CNTN6: variants seen among roughly 807,000 people sequenced by gnomAD.
CNTN6 encodes the protein contactin-6.
Under a neutral mutation model 122.8 loss-of-function variants are expected in CNTN6, and 137 were observed. The observed-to-expected ratio is 1.12, with a 90% CI of 0.97 to 1.29. The LOEUF is 1.29. Ranked by LOEUF, CNTN6 falls within the 50% of genes most tolerant of loss-of-function variation. The pLI is 0.00. For missense variants in CNTN6, 1,634 were observed against 1,223.4 expected, an observed-to-expected ratio of 1.34 and a Z score of -5.01; for synonymous variants, 570 against 426.0, an observed-to-expected ratio of 1.34 and a Z score of -4.16.
intron 4 of CNTN6, among the ~76,000 whole-genome samples, chr3:1,252,767 C>G (rs1461492077): frequency 3.9e-5 from 6 of 152,092 alleles, no homozygotes; most frequent in African/African-American, 1.4e-4. Flanking sequence ...CAGGCTTATT[C>G]TCGAAGCAAA....
intron 1 of CNTN6, among the ~76,000 whole-genome samples, chr3:1,122,375 G>GC (rs2091985167): frequency 6.7e-6 from 1 of 148,658 alleles, no homozygotes; most frequent in Non-Finnish European, 1.5e-5. Context: ...AGGAAGGAAG[G>GC]AAGGGAGGAA....
intron 4 of CNTN6, among the ~76,000 whole-genome samples, chr3:1,243,116 C>G (rs918918137): frequency 1.3e-5 from 2 of 152,128 alleles, no homozygotes; most frequent in African/African-American, 4.8e-5. Flanking sequence ...AGTCAGAGAG[C>G]CTTGGGCCAG....
intron 2 of CNTN6, among the ~76,000 whole-genome samples, chr3:1,176,915 A>G (rs539457214): frequency 6.6e-6 from 1 of 152,174 alleles, no homozygotes; most frequent in South Asian, 2.1e-4. Context: ...AGGCCTCCTC[A>G]ATGCTAAGAG....
intron 11 of CNTN6, among the ~76,000 whole-genome samples, chr3:1,336,614 T>C (rs1192758653): frequency 1.3e-5 from 2 of 152,156 alleles, no homozygotes; most frequent in African/African-American, 2.4e-5. Context: ...ATGGATTCTG[T>C]GTGATTTATC....
intron 20 of CNTN6, among the ~76,000 whole-genome samples, chr3:1,390,688 A>C (rs1417256634): frequency 2.6e-5 from 4 of 152,112 alleles, no homozygotes; most frequent in African/African-American, 9.7e-5. Context: ...AAAAGAGAAG[A>C]ATCAAATAGA....
chr3:1,144,035 T>C (rs971116620), intron 1 of CNTN6, among the ~76,000 whole-genome samples: 1 of 152,342 alleles, frequency 6.6e-6, no homozygotes, highest in South Asian at 2.1e-4. Context: ...GTAGCCTTTT[T>C]CTCTGTACCA....
At chr3:1,262,194 A>G (rs3772330) in intron 4 of CNTN6, among the ~76,000 whole-genome samples, 20,007 of 152,170 alleles carry the variant, frequency 0.13, 1,544 homozygotes, top group African/African-American at 0.21. Context: ...CCGAAGTAAG[A>G]GTCACAAGAG....
intron 20 of CNTN6, among the ~76,000 whole-genome samples, chr3:1,386,097 TC>T (rs1341998580): frequency 1.3e-5 from 2 of 152,146 alleles, no homozygotes; most frequent in East Asian, 3.9e-4. Flanking sequence ...AAAACTGACC[TC>T]CTATCCTTGG....
At chr3:1,244,772 G>A (rs578069070) in intron 4 of CNTN6, among the ~76,000 whole-genome samples, 4 of 152,004 alleles carry the variant, frequency 2.6e-5, no homozygotes, top group Non-Finnish European at 4.4e-5. Flanking sequence ...TTGGGAAGGT[G>A]ATGGAAAATT....
At chr3:1,372,982 C>A in intron 14 of CNTN6, 27 bp downstream of exon 14, 1 of 1,281,528 alleles carries the variant, frequency 7.8e-7, no homozygotes, top group South Asian at 1.3e-5. Flanking sequence ...AAAAAGTGAT[C>A]ACATTGTTTC....
chr3:1,209,483 A>G (rs911874610), intron 2 of CNTN6, among the ~76,000 whole-genome samples: 6 of 152,216 alleles, frequency 3.9e-5, no homozygotes, highest in Admixed American at 6.5e-5. Flanking sequence ...CTAGCTTTGC[A>G]TCTTGTGAAG....
rs1373360339 is a variant in CNTN6, at chr3:1,245,319, T to C, written c.358+17326T>C. Among the ~76,000 whole-genome samples the C allele has an allele frequency of 6.9e-3, 190 of 27,670 alleles. 24 individuals carry two copies. Among genetic ancestry groups the C allele is most frequent in the African/African-American group, 0.024 (183 of 7,778 alleles). The allele number at this position is 27,670 out of a possible 152,430, so 18.2% of individuals were successfully genotyped here. A position where few individuals can be genotyped will look rare whatever the true frequency, so the allele number is the denominator to read the frequency against. ...ACATATATATATATATATATATATA[T>C]ATATATATATATATATAGCATGGAA... is the stretch of plus-strand genomic sequence containing the variant. On this transcript the variant is annotated intron_variant, in intron 4 of 22. Coordinates refer to ENST00000446702, the MANE Select transcript of CNTN6 (RefSeq NM_001289080.2).
chr3:1,342,379 C>G (rs1359748414), intron 11 of CNTN6, among the ~76,000 whole-genome samples: 2 of 152,194 alleles, frequency 1.3e-5, no homozygotes, highest in African/African-American at 4.8e-5. Flanking sequence ...CTGCCCACCT[C>G]AGCCTCCCAA....
At chr3:1,351,502 G>A (rs1207338053) in intron 11 of CNTN6, among the ~76,000 whole-genome samples, 2 of 149,900 alleles carry the variant, frequency 1.3e-5, no homozygotes, top group Admixed American at 1.3e-4. Context: ...CATTTTTTCA[G>A]TCTCCTCTTA....
At chr3:1,385,539 T>C (rs1692747669) in intron 19 of CNTN6, 72 bp from the exon 20 acceptor site, 6 of 1,222,136 alleles carry the variant, frequency 4.9e-6, no homozygotes, top group South Asian at 3.0e-5. Context: ...TTGTGGTTGA[T>C]AGTTGTTGGT....
intron 19 of CNTN6, among the ~76,000 whole-genome samples, chr3:1,384,328 A>G (rs541736078): frequency 1.3e-4 from 20 of 149,370 alleles, no homozygotes; most frequent in Non-Finnish European, 2.6e-4. Context: ...CTGCTCCTCA[A>G]TCATCTTACA....
At chr3:1,267,174 C>G (rs1163347448) in intron 4 of CNTN6, among the ~76,000 whole-genome samples, 3 of 151,976 alleles carry the variant, frequency 2.0e-5, no homozygotes, top group African/African-American at 7.3e-5. Flanking sequence ...ACAGGGCAGA[C>G]TCTGTTTGCT....
chr3:1,359,660 A>G (rs1222132835), intron 12 of CNTN6, among the ~76,000 whole-genome samples: 2 of 152,126 alleles, frequency 1.3e-5, no homozygotes, highest in Non-Finnish European at 2.9e-5. Context: ...GCAGATAATC[A>G]TGCACTTGTC....
intron 7 of CNTN6, among the ~76,000 whole-genome samples, chr3:1,312,431 A>G (rs986903947): frequency 2.0e-5 from 3 of 152,108 alleles, no homozygotes; most frequent in Admixed American, 6.6e-5. Context: ...AGTAATTGGC[A>G]GTTTACAGTA....
Sources: allele counts gnomAD v4.1 joint callset (sites outside exome capture counted in the v4.1 genomes callset), GRCh38; gene constraint gnomAD v4.1.1; transcripts MANE v1.5; gene names NCBI Gene and HGNC (gene_info 2026-07-23, HGNC 2026-07-21).